Variants in JARID2 observed in about 807,000 individuals in gnomAD.
JARID2 encodes protein Jumonji.
A neutral mutation model predicts 125.6 loss-of-function variants in JARID2; 21 were observed. That is an observed-to-expected ratio of 0.17 (90% CI 0.12 to 0.24). The LOEUF (loss-of-function observed/expected upper bound fraction) is 0.24. JARID2 is among the 10% of genes least tolerant of loss of function. The probability of loss-of-function intolerance (pLI) is 1.00; values close to 1 mark genes in which losing one functional copy is unlikely to be tolerated. For synonymous variants in JARID2, 736 were observed against 661.6 expected (o/e 1.11, Z -1.73); for missense variants, 1,303 against 1,639.6 (o/e 0.79, Z 3.55).
At chr6:15,416,855 GTTC>G (rs1462889669) in intron 3 of JARID2, among the ~76,000 whole-genome samples, 8 of 152,172 alleles carry the variant, frequency 5.3e-5, no homozygotes, top group African/African-American at 1.7e-4. Flanking sequence ...ATTCCACTCA[GTTC>G]TTCTTGTAAA....
At chr6:15,420,133 A>G (rs2127585819) in intron 3 of JARID2, among the ~76,000 whole-genome samples, 1 of 152,296 alleles carries the variant, frequency 6.6e-6, no homozygotes, top group Middle Eastern at 3.4e-3. Context: ...TAGAAGTTAC[A>G]GCTGGGCACG....
chr6:15,467,777 C>T (rs554575539), intron 4 of JARID2, among the ~76,000 whole-genome samples: 28 of 152,244 alleles, frequency 1.8e-4, no homozygotes, highest in African/African-American at 6.5e-4. Flanking sequence ...CGCGCCACTG[C>T]ACTCAGCTTG....
intron 17 of JARID2, 138 bp from the exon 18 acceptor site, chr6:15,519,931 G>A: frequency 3.5e-6 from 2 of 563,504 alleles, no homozygotes. Flanking sequence ...GCCTCTCGGG[G>A]TTATTTTAAA....
intron 3 of JARID2, among the ~76,000 whole-genome samples, chr6:15,420,825 T>C (rs1766453515): frequency 6.6e-6 from 1 of 152,228 alleles, no homozygotes. Context: ...CAAAAACCCT[T>C]ACGAGTATTT....
At chr6:15,380,014 GA>G (rs1286416023) in intron 2 of JARID2, among the ~76,000 whole-genome samples, 1 of 116,028 alleles carries the variant, frequency 8.6e-6, no homozygotes, top group Non-Finnish European at 1.8e-5. Context: ...GAGGTAAGTG[GA>G]TTTTTTTTTT....
Position 15,246,252 on chromosome 6 carries a change from G to C in JARID2, c.-288G>C. The C allele has an allele frequency of 2.7e-6, 1 of 375,608 alleles. No individual in the cohort carries two copies. Among genetic ancestry groups the C allele is most frequent in the East Asian group, 4.5e-5 (1 of 22,376 alleles). 23.3% of individuals were successfully genotyped at this position (375,608 alleles called of 1,614,324 possible). A position where few individuals can be genotyped will look rare whatever the true frequency, so the allele number is the denominator to read the frequency against. ...GAGTGAAGGGCGTCGGTTTTTTTTT[G>C]TGTGTGTGTGTATGTGTTTCGGGGG... On this transcript the variant is annotated 5_prime_UTR_variant, in exon 1 of 18. Transcript: ENST00000341776.
At chr6:15,310,550 C>T (rs1055613575) in intron 1 of JARID2, among the ~76,000 whole-genome samples, 1 of 152,198 alleles carries the variant, frequency 6.6e-6, no homozygotes. Flanking sequence ...ATGCCTTGGC[C>T]TCCCCTCTTC....
In JARID2 at chr6:15,352,939, T is replaced by G. The variant is rs370829464; in HGVS notation, c.46-21178T>G. Among the ~76,000 whole-genome samples the G allele has an allele frequency of 3.5e-4, 53 of 152,366 alleles. No homozygotes were observed. The East Asian group carries it at 7.5e-3, about 22-fold the overall frequency. On this transcript the variant is annotated intron_variant, in intron 1 of 17. Coordinates refer to ENST00000341776, the MANE Select transcript of JARID2 (RefSeq NM_004973.4). ...TGTTGCATGGATATGTCCCATTTTATGCATTCATGAGTTGATGGACACTTG... is the reference window on the plus strand; with the variant it reads ...TGTTGCATGGATATGTCCCATTTTAGGCATTCATGAGTTGATGGACACTTG...
At chr6:15,433,767 A>AATTTG (rs975479807) in intron 3 of JARID2, among the ~76,000 whole-genome samples, 2 of 152,030 alleles carry the variant, frequency 1.3e-5, no homozygotes, top group African/African-American at 4.8e-5. Context: ...ATGGGGGGAA[A>AATTTG]ATTTGACAGT....
At chr6:15,335,355 C>T (rs1762844264) in intron 1 of JARID2, among the ~76,000 whole-genome samples, 1 of 152,162 alleles carries the variant, frequency 6.6e-6, no homozygotes, top group Admixed American at 6.5e-5. Context: ...CCACTTCGGC[C>T]ACCCAAAGGG....
chr6:15,309,980 T>A (rs1171113260), intron 1 of JARID2, among the ~76,000 whole-genome samples: 1 of 152,218 alleles, frequency 6.6e-6, no homozygotes, highest in African/African-American at 2.4e-5. Flanking sequence ...AGAAAGCTTC[T>A]TCTTCCAAAG....
At chr6:15,411,530 C>T (rs1010810469) in intron 3 of JARID2, among the ~76,000 whole-genome samples, 1 of 152,176 alleles carries the variant, frequency 6.6e-6, no homozygotes, top group Admixed American at 6.5e-5. Flanking sequence ...TTAGGATCTT[C>T]CCGTGTACTG....
intron 3 of JARID2, among the ~76,000 whole-genome samples, chr6:15,412,767 G>T (rs1399038407): frequency 1.3e-5 from 2 of 152,288 alleles, no homozygotes; most frequent in Admixed American, 1.3e-4. Context: ...AATTTCCAGA[G>T]CTTCGGTAGT....
intron 2 of JARID2, among the ~76,000 whole-genome samples, chr6:15,376,443 C>T (rs944280467): frequency 3.3e-5 from 5 of 152,008 alleles, no homozygotes; most frequent in African/African-American, 9.7e-5. Context: ...TTGCTTGGTG[C>T]GGTGGTTCAT....
intron 3 of JARID2, among the ~76,000 whole-genome samples, chr6:15,415,306 G>A (rs1766095528): frequency 6.6e-6 from 1 of 152,164 alleles, no homozygotes; most frequent in Admixed American, 6.5e-5. Context: ...TGTCATCATG[G>A]CCCGTTCCCA....
intron 1 of JARID2, among the ~76,000 whole-genome samples, chr6:15,316,962 T>TA (rs1299059030): frequency 6.6e-6 from 1 of 152,234 alleles, no homozygotes; most frequent in African/African-American, 2.4e-5. Flanking sequence ...AAAATGGGGA[T>TA]AATAGTACCT....
At chr6:15,339,639 G>A (rs1167183025) in intron 1 of JARID2, among the ~76,000 whole-genome samples, 3 of 151,464 alleles carry the variant, frequency 2.0e-5, no homozygotes. Flanking sequence ...GGGTTCAAGC[G>A]ATTCTCCTGC....
intron 1 of JARID2, among the ~76,000 whole-genome samples, chr6:15,284,612 A>G (rs1471978443): frequency 6.7e-6 from 1 of 148,954 alleles, no homozygotes; most frequent in African/African-American, 2.5e-5. Context: ...TCAGCCTCCC[A>G]AGTAGCTGGG....
At chr6:15,306,585 G>A (rs1023231003) in intron 1 of JARID2, among the ~76,000 whole-genome samples, 1 of 151,724 alleles carries the variant, frequency 6.6e-6, no homozygotes, top group South Asian at 2.1e-4. Flanking sequence ...TGATCCGCCC[G>A]CCTCGGCCTC....
Sources: allele counts gnomAD v4.1 joint callset (sites outside exome capture counted in the v4.1 genomes callset), GRCh38; gene constraint gnomAD v4.1.1; transcripts MANE v1.5; gene names NCBI Gene and HGNC (gene_info 2026-07-23, HGNC 2026-07-21).